The following CISD1 variants were observed in gnomAD, a reference collection of about 807,000 sequenced individuals.
The protein encoded by CISD1 is CDGSH iron-sulfur domain-containing protein 1.
In CISD1, 8 loss-of-function variants were observed where a neutral mutation model predicts 12.0. The observed-to-expected ratio is 0.67, with a 90% confidence interval of 0.39 to 1.20. The LOEUF is 1.20. Among genes scored for constraint, CISD1 ranks in the 50% most tolerant of loss-of-function variants. The pLI, the probability that CISD1 is intolerant of heterozygous loss-of-function variation, is 0.01. For missense variants in CISD1, 107 were observed against 132.7 expected (o/e 0.81, Z 0.95); for synonymous variants, 38 against 42.2 (o/e 0.90, Z 0.39).
chr10:58,284,747 A>G (rs951952769), intron 2 of CISD1, among the ~76,000 whole-genome samples: 1 of 152,114 alleles, frequency 6.6e-6, no homozygotes, highest in African/African-American at 2.4e-5. Flanking sequence ...TATATGGAGG[A>G]AAATAATTTG....
At chr10:58,275,662 C>T (rs952693665) in intron 1 of CISD1, among the ~76,000 whole-genome samples, 1 of 152,010 alleles carries the variant, frequency 6.6e-6, no homozygotes, top group African/African-American at 2.4e-5. Context: ...AAAATACTAC[C>T]GTGGTTGAAA....
intron 1 of CISD1, among the ~76,000 whole-genome samples, chr10:58,272,123 TTGCTTA>T (rs2132276338): frequency 6.6e-6 from 1 of 152,272 alleles, no homozygotes; most frequent in African/African-American, 2.4e-5. Flanking sequence ...CCGTTTTCTT[TTGCTTA>T]AATCTTTGCC....
chr10:58,287,358 T>A (rs1839440313), intron 2 of CISD1, among the ~76,000 whole-genome samples: 1 of 152,220 alleles, frequency 6.6e-6, no homozygotes, highest in Non-Finnish European at 1.5e-5. Context: ...TGAAATTCAA[T>A]AAATGATGTG....
At chr10:58,284,103 A>C (rs12245423) in intron 2 of CISD1, among the ~76,000 whole-genome samples, 88 of 152,338 alleles carry the variant, frequency 5.8e-4, no homozygotes, top group African/African-American at 2.1e-3. Flanking sequence ...TGCCAGACAC[A>C]GTCGCTTAGG....
chr10:58,288,475 A>G lies in CISD1; in HGVS notation c.*825A>G, dbSNP rs561571541. On this transcript the variant is annotated 3_prime_UTR_variant, in exon 3 of 3. Coordinates refer to ENST00000333926, the MANE Select transcript of CISD1 (RefSeq NM_018464.5). ...TCAAGTCTTTTGATCACTAAGCCAC[A>G]TATCCTGACAGAAATAGTAGTCACA... 40 of 152,394 alleles carry G rather than the reference A, an allele frequency of 2.6e-4. No homozygotes were observed. Among genetic ancestry groups the G allele is most frequent in the Non-Finnish European group, 4.0e-4 (27 of 67,976 alleles). 9.4% of individuals were successfully genotyped at this position (152,394 alleles called of 1,614,324 possible).
intron 1 of CISD1, 122 bp downstream of exon 1, chr10:58,269,426 G>T: frequency 1.1e-6 from 1 of 886,096 alleles, no homozygotes; most frequent in Non-Finnish European, 1.7e-6. Flanking sequence ...TTGAGATGCA[G>T]AAGGGCAAGC....
chr10:58,269,667 C>G (rs541328291), intron 1 of CISD1, among the ~76,000 whole-genome samples: 1 of 152,360 alleles, frequency 6.6e-6, no homozygotes, highest in South Asian at 2.1e-4. Context: ...AACAGCAAAC[C>G]TGTTTGCCCT....
intron 2 of CISD1, among the ~76,000 whole-genome samples, chr10:58,284,517 C>T (rs1425992992): frequency 2.0e-5 from 3 of 152,104 alleles, no homozygotes; most frequent in South Asian, 2.1e-4. Flanking sequence ...ACACTTTAAT[C>T]GCATGAAAGT....
chr10:58,278,490 C>A (rs900159779), intron 2 of CISD1, among the ~76,000 whole-genome samples: 1 of 152,102 alleles, frequency 6.6e-6, no homozygotes, highest in African/African-American at 2.4e-5. Flanking sequence ...TTGCATCACG[C>A]TGTGATTGCA....
At chr10:58,272,196 T>A (rs1337906971) in intron 1 of CISD1, among the ~76,000 whole-genome samples, 1 of 150,856 alleles carries the variant, frequency 6.6e-6, no homozygotes, top group Non-Finnish European at 1.5e-5. Context: ...TTCTTCAGCC[T>A]TAAGTCACTC....
chr10:58,284,006 GAA>G (rs1291667923), intron 2 of CISD1, among the ~76,000 whole-genome samples: 1 of 151,992 alleles, frequency 6.6e-6, no homozygotes, highest in Non-Finnish European at 1.5e-5. Context: ...AATGTTTAAT[GAA>G]AAAGTTAATA....
At chr10:58,280,581 G>T (rs181136953) in intron 2 of CISD1, among the ~76,000 whole-genome samples, 42 of 152,322 alleles carry the variant, frequency 2.8e-4, no homozygotes, top group African/African-American at 1.0e-3. Flanking sequence ...AACACGAAAT[G>T]TGAGACATCA....
chr10:58,286,088 C>A (rs868772405), intron 2 of CISD1, among the ~76,000 whole-genome samples: 8 of 151,416 alleles, frequency 5.3e-5, no homozygotes, highest in Admixed American at 3.3e-4. Context: ...GCCTGTAGTC[C>A]CAGCTACTCA....
intron 1 of CISD1, among the ~76,000 whole-genome samples, chr10:58,269,957 A>C (rs1278601795): frequency 6.6e-6 from 1 of 152,218 alleles, no homozygotes; most frequent in East Asian, 1.9e-4. Context: ...TATTTCGCAG[A>C]AAGTCCCGTT....
chr10:58,272,595 G>A (rs1159060127), intron 1 of CISD1, among the ~76,000 whole-genome samples: 1 of 152,126 alleles, frequency 6.6e-6, no homozygotes, highest in Non-Finnish European at 1.5e-5. Flanking sequence ...AAATAAAAGG[G>A]ATAGCTCCTA....
At chr10:58,278,920 A>T (rs933036395) in intron 2 of CISD1, among the ~76,000 whole-genome samples, 3 of 152,198 alleles carry the variant, frequency 2.0e-5, no homozygotes, top group African/African-American at 7.2e-5. Context: ...CTGCTGATGT[A>T]GGTATTCTGG....
chr10:58,277,015 T>C, intron 1 of CISD1, 102 bp from the exon 2 acceptor site: 2 of 751,912 alleles, frequency 2.7e-6, no homozygotes, highest in Non-Finnish European at 4.4e-6. Flanking sequence ...CTTGGACTAT[T>C]AGGATGCTTA....
chr10:58,269,422 T>A, intron 1 of CISD1, 118 bp downstream of exon 1: 1 of 918,406 alleles, frequency 1.1e-6, no homozygotes, highest in Non-Finnish European at 1.7e-6. Context: ...AACCTTGAGA[T>A]GCAGAAGGGC....
At chr10:58,278,272 T>C (rs1350274407) in intron 2 of CISD1, among the ~76,000 whole-genome samples, 1 of 152,172 alleles carries the variant, frequency 6.6e-6, no homozygotes, top group African/African-American at 2.4e-5. Flanking sequence ...GCGTGGTGTC[T>C]CACACCTGTA....
Sources: allele counts gnomAD v4.1 joint callset (sites outside exome capture counted in the v4.1 genomes callset), GRCh38; gene constraint gnomAD v4.1.1; transcripts MANE v1.5; gene names NCBI Gene and HGNC (gene_info 2026-07-23, HGNC 2026-07-21).